Variants in FHIT observed in about 807,000 individuals in gnomAD.
FHIT encodes the protein fragile histidine triad diadenosine triphosphatase.
In FHIT, 19 loss-of-function variants were observed where a neutral mutation model predicts 17.9. That is an observed-to-expected ratio of 1.06 (90% CI 0.74 to 1.56). The LOEUF is 1.56. Among genes scored for constraint, FHIT ranks in the 40% most tolerant of loss-of-function variants. The pLI, the probability that FHIT is intolerant of heterozygous loss-of-function variation, is 0.00. For synonymous variants in FHIT, 81 were observed against 69.7 expected, an observed-to-expected ratio of 1.16 and a Z score of -0.81; for missense variants, 248 against 189.2, an observed-to-expected ratio of 1.31 and a Z score of -1.82.
At chr3:61,091,650 C>T (rs1298737202) in intron 2 of FHIT, among the ~76,000 whole-genome samples, 1 of 151,920 alleles carries the variant, frequency 6.6e-6, no homozygotes, top group Non-Finnish European at 1.5e-5. Flanking sequence ...CTAAATGAAG[C>T]TTAGAACCAA....
intron 8 of FHIT, among the ~76,000 whole-genome samples, chr3:59,884,657 A>G (rs1229801365): frequency 1.3e-5 from 2 of 152,196 alleles, no homozygotes; most frequent in Non-Finnish European, 2.9e-5. Context: ...ACAGATTTGA[A>G]AGCTCTTTCT....
chr3:60,145,827 G>T (rs6764133), intron 5 of FHIT, among the ~76,000 whole-genome samples: 21,332 of 151,898 alleles, frequency 0.14, 2,483 homozygotes, highest in African/African-American at 0.32. Context: ...ATTCATCTTC[G>T]ACAGTCACCA....
chr3:59,799,108 A>AT (rs5849302), intron 8 of FHIT, among the ~76,000 whole-genome samples: 117,308 of 152,066 alleles, frequency 0.77, 45,428 homozygotes, highest in Middle Eastern at 0.84. Context: ...CTACTTAAAT[A>AT]TTTTTTAACT....
At chr3:60,538,105 G>C (rs1330812397) in intron 4 of FHIT, among the ~76,000 whole-genome samples, 3 of 151,932 alleles carry the variant, frequency 2.0e-5, no homozygotes, top group Non-Finnish European at 2.9e-5. Context: ...TTCAGGATGG[G>C]GTTGATCACA....
chr3:60,831,640 A>C (rs2106818619), intron 3 of FHIT, among the ~76,000 whole-genome samples: 1 of 150,170 alleles, frequency 6.7e-6, no homozygotes, highest in South Asian at 2.1e-4. Context: ...ATTAATAATT[A>C]TGGAACACTT....
At chr3:60,575,275 C>T (rs72885798) in intron 4 of FHIT, among the ~76,000 whole-genome samples, 24,762 of 152,050 alleles carry the variant, frequency 0.16, 2,365 homozygotes, top group East Asian at 0.34. Flanking sequence ...AAAGGTATGT[C>T]GGAAGGGATG....
intron 7 of FHIT, among the ~76,000 whole-genome samples, chr3:59,959,222 C>A (rs1311983423): frequency 6.6e-6 from 1 of 152,144 alleles, no homozygotes; most frequent in African/African-American, 2.4e-5. Flanking sequence ...CCAGAACTAC[C>A]AAATTTCCTC....
intron 5 of FHIT, among the ~76,000 whole-genome samples, chr3:60,089,661 G>T (rs1703647005): frequency 6.6e-6 from 1 of 152,110 alleles, no homozygotes; most frequent in Non-Finnish European, 1.5e-5. Context: ...CAAAATACCT[G>T]ACAATGGGTG....
intron 5 of FHIT, among the ~76,000 whole-genome samples, chr3:60,166,163 T>A (rs1367709073): frequency 6.6e-6 from 1 of 150,560 alleles, no homozygotes. Flanking sequence ...CTGTAAGGAC[T>A]GTTTTTCCAT....
intron 4 of FHIT, among the ~76,000 whole-genome samples, chr3:60,591,670 G>A (rs2038089884): frequency 6.6e-6 from 1 of 152,046 alleles, no homozygotes; most frequent in African/African-American, 2.4e-5. Flanking sequence ...GTTACACTAT[G>A]AAACAAGATG....
chr3:60,677,372 A>C (rs1323049342), intron 4 of FHIT, among the ~76,000 whole-genome samples: 1 of 152,094 alleles, frequency 6.6e-6, no homozygotes, highest in Non-Finnish European at 1.5e-5. Context: ...CTACATACAC[A>C]CATTATTCAG....
chr3:60,847,836 C>T (rs1312364002), intron 3 of FHIT, among the ~76,000 whole-genome samples: 1 of 152,022 alleles, frequency 6.6e-6, no homozygotes. Context: ...TTTTGGTCCC[C>T]GTATGAACTC....
At position 61,062,619 on chromosome 3, in the gene FHIT, G is replaced by A. The variant is rs145009115; in HGVS notation, c.-163-20520C>T. 3.3e-5 allele frequency among the ~76,000 whole-genome samples: 5 copies of A among 152,140 alleles called. No individual in the cohort carries two copies. The East Asian group carries it at 9.6e-4, about 29-fold the overall frequency. Reference sequence around the variant, plus strand: ...TTGAGAATGGTTTCCCATGTCCCCAGGCATAAACTAAAATATCCACTGCTT... The same window carrying A: ...TTGAGAATGGTTTCCCATGTCCCCAAGCATAAACTAAAATATCCACTGCTT... On this transcript the variant is annotated intron_variant, in intron 2 of 9. Transcript: ENST00000492590.
chr3:61,216,940 G>A (rs1216868452), intron 1 of FHIT, among the ~76,000 whole-genome samples: 3 of 147,748 alleles, frequency 2.0e-5, no homozygotes, highest in Non-Finnish European at 4.5e-5. Context: ...TGGGAATTGA[G>A]CAATGAGAAC....
intron 5 of FHIT, among the ~76,000 whole-genome samples, chr3:60,116,798 T>C (rs961091304): frequency 2.6e-5 from 4 of 152,276 alleles, no homozygotes; most frequent in South Asian, 2.1e-4. Flanking sequence ...TCTGTTGATA[T>C]GAAAATTTTT....
intron 5 of FHIT, among the ~76,000 whole-genome samples, chr3:60,378,181 T>G (rs929932867): frequency 1.2e-4 from 18 of 151,606 alleles, no homozygotes; most frequent in Non-Finnish European, 2.5e-4. Context: ...CGCCTGCCAC[T>G]ATGCCCGGCT....
intron 5 of FHIT, among the ~76,000 whole-genome samples, chr3:60,090,630 A>T (rs1303598517): frequency 6.6e-6 from 1 of 152,194 alleles, no homozygotes; most frequent in East Asian, 1.9e-4. Context: ...AGTGAAGGTG[A>T]CAACCCTTTC....
chr3:60,334,489 T>A (rs191508209), intron 5 of FHIT, among the ~76,000 whole-genome samples: 1 of 152,280 alleles, frequency 6.6e-6, no homozygotes, highest in African/African-American at 2.4e-5. Flanking sequence ...TGTCTCACTT[T>A]TAAAAACTGA....
intron 5 of FHIT, among the ~76,000 whole-genome samples, chr3:60,366,921 A>C (rs115902709): frequency 2.0e-5 from 3 of 152,182 alleles, no homozygotes; most frequent in African/African-American, 7.2e-5. Flanking sequence ...CATTTTGTCA[A>C]CTTATATAGG....
Sources: gnomAD v4.1 joint callset for allele counts (sites outside exome capture counted in the v4.1 genomes callset) on GRCh38, gnomAD v4.1.1 for gene constraint, MANE v1.5 for transcripts, NCBI Gene and HGNC (gene_info 2026-07-23, HGNC 2026-07-21) for gene names.